TMEM272: variants seen among roughly 807,000 people sequenced by gnomAD.
TMEM272 encodes long intergenic non-protein coding RNA 282.
In TMEM272, 8 loss-of-function variants were observed where a neutral mutation model predicts 3.7. The ratio of observed to expected loss-of-function variants is 2.17; its 90% CI spans 1.27 to 3.91. The LOEUF is 3.91. Ranked by LOEUF, TMEM272 falls within the 30% of genes most tolerant of loss-of-function variation. TMEM272 has a pLI of 0.00. For synonymous variants in TMEM272, 63 were observed against 39.8 expected (o/e 1.58, Z -2.20); for missense variants, 166 against 91.5 (o/e 1.81, Z -3.32).
At chr13:51,830,563 A>G (rs1049404644) in intron 2 of TMEM272, among the ~76,000 whole-genome samples, 2 of 152,234 alleles carry the variant, frequency 1.3e-5, no homozygotes, top group South Asian at 2.1e-4. Context: ...TGTGTAGGGC[A>G]CTAAACGCAG....
the TMEM272 span, among the ~76,000 whole-genome samples, chr13:51,902,140 T>C: frequency 1.3e-5 from 2 of 152,144 alleles, no homozygotes; most frequent in African/African-American, 2.4e-5. Flanking sequence ...CCAACGTGCA[T>C]TGGATGAAAG....
At position 51,817,088 on chromosome 13, in the gene TMEM272, G is replaced by A. The variant is rs1956037940; in HGVS notation, c.227C>T (p.Thr76Ile). The A allele has an allele frequency of 1.4e-6, 1 of 702,834 alleles. No individual in the cohort carries two copies. 43.5% of individuals were successfully genotyped at this position (702,834 alleles called of 1,614,324 possible). ...CTTGGACAGCAGCCGCCTCATCCTG[G>A]TGGAGTCGTACAACAGGAGAGACAC... ...LKVSLLLYDS[T>I]RMRRLLSKAV... Residue 76 changes from threonine (T) to isoleucine (I), a missense_variant, in exon 5 of 5, where the codon ACC (threonine) becomes ATC (isoleucine). Transcript: ENST00000629372.
At chr13:51,831,167 T>C (rs767262765) in intron 2 of TMEM272, among the ~76,000 whole-genome samples, 4 of 152,196 alleles carry the variant, frequency 2.6e-5, no homozygotes, top group Non-Finnish European at 5.9e-5. Flanking sequence ...CACACCTGTA[T>C]TTCCGGCATT....
the TMEM272 span, among the ~76,000 whole-genome samples, chr13:51,870,392 G>A: frequency 6.6e-6 from 1 of 152,024 alleles, no homozygotes; most frequent in Non-Finnish European, 1.5e-5. Flanking sequence ...AGCTTTATGA[G>A]AGGAGGAAAA....
chr13:51,835,426 C>T (rs1210930091), intron 2 of TMEM272, among the ~76,000 whole-genome samples: 1 of 152,078 alleles, frequency 6.6e-6, no homozygotes, highest in Non-Finnish European at 1.5e-5. Context: ...CGGGGTTTCA[C>T]CATGTTGCAG....
At chr13:51,817,444 C>A (rs1475648707) in intron 4 of TMEM272, among the ~76,000 whole-genome samples, 1 of 152,126 alleles carries the variant, frequency 6.6e-6, no homozygotes, top group African/African-American at 2.4e-5. Flanking sequence ...CAGACTGACT[C>A]TCTCCTGTAT....
the TMEM272 span, chr13:51,908,572 T>C: frequency 1.3e-6 from 2 of 1,509,504 alleles, no homozygotes; most frequent in African/African-American, 1.4e-5. Flanking sequence ...CCAGGGCCAC[T>C]CACTTCATTT....
the TMEM272 span, among the ~76,000 whole-genome samples, chr13:51,857,938 A>G: frequency 2.0e-5 from 3 of 152,200 alleles, no homozygotes; most frequent in Middle Eastern, 3.2e-3. Context: ...CCATGCAAAC[A>G]CTAATAAAAG....
At chr13:51,866,692 C>T in the TMEM272 span, among the ~76,000 whole-genome samples, 3 of 152,174 alleles carry the variant, frequency 2.0e-5, no homozygotes, top group African/African-American at 7.2e-5. Context: ...ACTCAGGCAG[C>T]GTGAGAATGG....
At chr13:51,912,880 G>A in the TMEM272 span, among the ~76,000 whole-genome samples, 1 of 152,230 alleles carries the variant, frequency 6.6e-6, no homozygotes, top group Non-Finnish European at 1.5e-5. Flanking sequence ...AATCTGAAAA[G>A]TTAGACGGAT....
intron 1 of TMEM272, among the ~76,000 whole-genome samples, chr13:51,843,683 C>T (rs1056460404): frequency 3.3e-5 from 5 of 152,196 alleles, no homozygotes; most frequent in East Asian, 1.9e-4. Context: ...AGTGCCTTCT[C>T]TCCAGTGTGA....
the TMEM272 span, chr13:51,933,222 A>G: frequency 6.6e-6 from 1 of 152,178 alleles, no homozygotes; most frequent in Non-Finnish European, 1.5e-5. Flanking sequence ...TAGAAGGACA[A>G]TAAGAGTGAA....
At chr13:51,892,423 T>C in the TMEM272 span, among the ~76,000 whole-genome samples, 1 of 152,182 alleles carries the variant, frequency 6.6e-6, no homozygotes, top group East Asian at 1.9e-4. Flanking sequence ...GTAGGCAAGT[T>C]ATCTGCTTGC....
the TMEM272 span, among the ~76,000 whole-genome samples, chr13:51,864,538 C>T: frequency 2.0e-5 from 3 of 152,232 alleles, no homozygotes; most frequent in African/African-American, 7.2e-5. Context: ...TTTACCCATG[C>T]TGTTGTAGGC....
rs1297886496 is a variant in TMEM272 at position 51,815,682 on chromosome 13, AACATGGG to A, written c.*1062_*1068del. On this transcript the variant is annotated 3_prime_UTR_variant, in exon 5 of 5. Coordinates refer to ENST00000629372, the MANE Select transcript of TMEM272 (RefSeq NM_001351003.2). Reference sequence around the variant, plus strand: ...ACAGTATCTTCATACAAAATTCTAAAACATGGGACTTTTTGCTCATAAAGAGGCTCCC... The same window carrying A: ...ACAGTATCTTCATACAAAATTCTAAAACTTTTTGCTCATAAAGAGGCTCCC... The A allele has an allele frequency of 6.6e-6, 1 of 152,158 alleles. No individual in the cohort carries two copies. The highest frequency in any genetic ancestry group is 6.5e-5 in the Admixed American group (1 of 15,286). 9.4% of individuals were successfully genotyped at this position (152,158 alleles called of 1,614,324 possible).
chr13:51,920,405 C>T, the TMEM272 span, among the ~76,000 whole-genome samples: 1 of 152,308 alleles, frequency 6.6e-6, no homozygotes, highest in East Asian at 1.9e-4. Context: ...CTGGGTAGGG[C>T]ATGGCCTCTT....
At chr13:51,883,800 C>T in the TMEM272 span, among the ~76,000 whole-genome samples, 3 of 152,198 alleles carry the variant, frequency 2.0e-5, no homozygotes, top group African/African-American at 4.8e-5. Context: ...AATGATGACA[C>T]TTGAATTGTG....
the TMEM272 span, among the ~76,000 whole-genome samples, chr13:51,890,869 T>C: frequency 6.6e-6 from 1 of 152,238 alleles, no homozygotes; most frequent in African/African-American, 2.4e-5. Context: ...TTTAAATCTT[T>C]GGATAGGTTA....
At chr13:51,918,706 G>A in the TMEM272 span, among the ~76,000 whole-genome samples, 1 of 151,802 alleles carries the variant, frequency 6.6e-6, no homozygotes, top group Non-Finnish European at 1.5e-5. Context: ...GCTCACTGAA[G>A]CCTGAACCTC....
Sources: gnomAD v4.1 joint callset for allele counts (sites outside exome capture counted in the v4.1 genomes callset) on GRCh38, gnomAD v4.1.1 for gene constraint, MANE v1.5 for transcripts, NCBI Gene and HGNC (gene_info 2026-07-23, HGNC 2026-07-21) for gene names.